SEM1: variants seen among roughly 807,000 people sequenced by gnomAD.
SEM1 encodes the protein SEM1 26S proteasome subunit, also known as 26S proteasome complex subunit SEM1.
SEM1 carries 3 observed loss-of-function variants against 12.7 expected under a neutral mutation model. The ratio of observed to expected loss-of-function variants is 0.24; its 90% confidence interval spans 0.11 to 0.61. The LOEUF (loss-of-function observed/expected upper bound fraction) is 0.61, where lower values mean the gene tolerates loss of function less well. SEM1 is among the 20% of genes least tolerant of loss of function. The probability of loss-of-function intolerance (pLI) is 0.88; values close to 1 mark genes in which losing one functional copy is unlikely to be tolerated. For synonymous variants in SEM1, 30 were observed against 27.8 expected, an observed-to-expected ratio of 1.08 and a Z score of -0.25; for missense variants, 59 against 81.3, an observed-to-expected ratio of 0.73 and a Z score of 1.06.
chr7:96,682,944 C>T (rs769217180), intron 2 of SEM1, among the ~76,000 whole-genome samples: 1 of 152,122 alleles, frequency 6.6e-6, no homozygotes, highest in Middle Eastern at 3.2e-3. Flanking sequence ...AGCCAACAAA[C>T]ATATGAAAAA....
At chr7:96,603,673 A>G (rs1022149943) in intron 2 of SEM1, among the ~76,000 whole-genome samples, 14 of 152,068 alleles carry the variant, frequency 9.2e-5, no homozygotes, top group Non-Finnish European at 1.5e-4. Flanking sequence ...TGATATCTTG[A>G]GCAATTGGTA....
chr7:96,528,334 C>T (rs765200866), intron 2 of SEM1, among the ~76,000 whole-genome samples: 1 of 152,096 alleles, frequency 6.6e-6, no homozygotes, highest in East Asian at 1.9e-4. Context: ...TCTGGGACTA[C>T]AGGCGTGCCA....
intron 2 of SEM1, among the ~76,000 whole-genome samples, chr7:96,587,199 G>A (rs1169920879): frequency 6.6e-6 from 1 of 152,172 alleles, no homozygotes; most frequent in East Asian, 1.9e-4. Flanking sequence ...AAATGGTAAT[G>A]TTTAGGTATG....
chr7:96,520,447 T>C (rs553464547), intron 2 of SEM1, among the ~76,000 whole-genome samples: 4 of 152,272 alleles, frequency 2.6e-5, no homozygotes, highest in Non-Finnish European at 4.4e-5. Context: ...CAGGAGACAT[T>C]CTCAAAGCTT....
At chr7:96,498,609 C>A (rs965370304), upstream of SEM1, among the ~76,000 whole-genome samples, 4 of 152,112 alleles carry the variant, frequency 2.6e-5, no homozygotes, top group African/African-American at 4.8e-5. Flanking sequence ...TTGCTGTTAA[C>A]GTATTCTGCA....
intron 2 of SEM1, among the ~76,000 whole-genome samples, chr7:96,694,343 T>A (rs1790025704): frequency 6.6e-6 from 1 of 152,102 alleles, no homozygotes; most frequent in South Asian, 2.1e-4. Context: ...AATTTTATGT[T>A]ACATGAATTT....
chr7:96,692,105 G>A (rs2115848565), intron 2 of SEM1, among the ~76,000 whole-genome samples: 1 of 152,120 alleles, frequency 6.6e-6, no homozygotes, highest in African/African-American at 2.4e-5. Flanking sequence ...GCACTGTGGG[G>A]GTGTATTATA....
At chr7:96,603,566 G>A (rs1038505149) in intron 2 of SEM1, among the ~76,000 whole-genome samples, 2 of 152,040 alleles carry the variant, frequency 1.3e-5, no homozygotes, top group Admixed American at 6.6e-5. Flanking sequence ...TCAAGTGTAC[G>A]CACATAAAAA....
intron 1 of SEM1, chr7:96,486,429 G>GCC (rs1802772131): frequency 6.5e-7 from 1 of 1,535,194 alleles, no homozygotes; most frequent in African/African-American, 1.4e-5. Context: ...TATAAGGGAA[G>GCC]TTGAAGGTAT....
chr7:96,676,147 G>C (rs1187569748), intron 2 of SEM1, among the ~76,000 whole-genome samples: 1 of 152,178 alleles, frequency 6.6e-6, no homozygotes, highest in East Asian at 1.9e-4. Context: ...AAATTTTCCT[G>C]TTTACATAGA....
intron 2 of SEM1, among the ~76,000 whole-genome samples, chr7:96,557,085 C>A (rs1805532166): frequency 6.9e-6 from 1 of 144,298 alleles, no homozygotes; most frequent in Non-Finnish European, 1.5e-5. Context: ...TCTAGTTATA[C>A]ATTCTTCTAC....
chr7:96,675,283 T>A (rs1160905431), intron 2 of SEM1, among the ~76,000 whole-genome samples: 2 of 152,180 alleles, frequency 1.3e-5, no homozygotes, highest in Non-Finnish European at 2.9e-5. Context: ...GAATTGCATC[T>A]TGAGTATTTC....
chr7:96,661,779 G>A (rs1308115155), intron 2 of SEM1, among the ~76,000 whole-genome samples: 1 of 152,054 alleles, frequency 6.6e-6, no homozygotes, highest in African/African-American at 2.4e-5. Flanking sequence ...CCTGAGGTCG[G>A]GAGTTCAAGA....
intron 2 of SEM1, among the ~76,000 whole-genome samples, chr7:96,521,247 G>C (rs771872719): frequency 1.3e-5 from 2 of 152,068 alleles, no homozygotes; most frequent in African/African-American, 4.8e-5. Flanking sequence ...TAAACCCGGA[G>C]CAGACATGTG....
At chr7:96,574,780 T>A (rs544747924) in intron 2 of SEM1, among the ~76,000 whole-genome samples, 81 of 152,354 alleles carry the variant, frequency 5.3e-4, no homozygotes, top group African/African-American at 1.9e-3. Flanking sequence ...GTATGCTTCA[T>A]GAAGTTCTCG....
chr7:96,565,247 C>T (rs1031158193), intron 2 of SEM1, among the ~76,000 whole-genome samples: 17 of 151,790 alleles, frequency 1.1e-4, no homozygotes, highest in Non-Finnish European at 1.9e-4. Context: ...ACTAAAAGTC[C>T]CCCAAATAGG....
At position 96,606,217 on chromosome 7, in the gene SEM1, T is replaced by C. The variant is rs555998572; in HGVS notation, c.170+88581A>G. ...GGTATACATAGGGTTCAAAACTGTC[T>C]GCATTTGCAGGCATCCACTGGGGGT... is the stretch of plus-strand genomic sequence containing the variant. On this transcript the variant is annotated intron_variant and NMD_transcript_variant, in intron 2 of 3. Coordinates refer to the SEM1 transcript ENST00000466986. 2.6e-5 allele frequency among the ~76,000 whole-genome samples: 4 copies of C among 152,352 alleles called. No individual in the cohort carries two copies. The South Asian group carries it at 8.3e-4, about 32-fold the overall frequency.
intron 2 of SEM1, among the ~76,000 whole-genome samples, chr7:96,605,986 G>T (rs894213948): frequency 6.6e-6 from 1 of 152,138 alleles, no homozygotes; most frequent in Admixed American, 6.5e-5. Context: ...CCATCTTGGT[G>T]ATCAGATAAA....
At chr7:96,661,913 G>A (rs895576568) in intron 2 of SEM1, among the ~76,000 whole-genome samples, 3 of 151,314 alleles carry the variant, frequency 2.0e-5, no homozygotes, top group East Asian at 1.9e-4. Context: ...GCTTGAACCC[G>A]GGAGGTAGAG....
Sources: gnomAD v4.1 joint callset for allele counts (sites outside exome capture counted in the v4.1 genomes callset) on GRCh38, gnomAD v4.1.1 for gene constraint, MANE v1.5 for transcripts, NCBI Gene and HGNC (gene_info 2026-07-23, HGNC 2026-07-21) for gene names.